TPP2: variants seen among roughly 807,000 people sequenced by gnomAD.
The protein encoded by TPP2 is tripeptidyl-peptidase 2.
Under a neutral mutation model 155.9 loss-of-function variants are expected in TPP2, and 34 were observed. That is an observed-to-expected ratio of 0.22 (90% CI 0.17 to 0.29). The LOEUF (loss-of-function observed/expected upper bound fraction) is 0.29. Ranked by LOEUF, TPP2 falls within the 10% of genes least tolerant of loss-of-function variation. The pLI is 1.00. For synonymous variants in TPP2, 510 were observed against 529.4 expected (o/e 0.96, Z 0.50); for missense variants, 1,028 against 1,522.3 (o/e 0.68, Z 5.40).
intron 16 of TPP2, among the ~76,000 whole-genome samples, chr13:102,642,083 G>A (rs570662884): frequency 6.6e-6 from 1 of 152,316 alleles, no homozygotes; most frequent in South Asian, 2.1e-4. Context: ...TTACCTGGGG[G>A]CAGGTTTCTA....
At chr13:102,643,790 A>G (rs1030564423) in intron 17 of TPP2, among the ~76,000 whole-genome samples, 1 of 152,198 alleles carries the variant, frequency 6.6e-6, no homozygotes, top group African/African-American at 2.4e-5. Flanking sequence ...CTTCATGTCT[A>G]AGTTATCTCA....
At chr13:102,652,619 A>G (rs1883593885) in intron 24 of TPP2, among the ~76,000 whole-genome samples, 1 of 107,172 alleles carries the variant, frequency 9.3e-6, no homozygotes. Context: ...TCACCATTCT[A>G]TAACAGCTTA....
chr13:102,629,371 G>A (rs947337337), intron 8 of TPP2, 111 bp from the exon 9 acceptor site: 1 of 1,267,040 alleles, frequency 7.9e-7, no homozygotes. Context: ...TTCCACCAAG[G>A]GTGGATGTAC....
chr13:102,676,261 T>A lies in TPP2; in HGVS notation c.3580-35T>A, dbSNP rs760797984. The A allele has an allele frequency of 1.4e-5, 21 of 1,516,514 alleles. No homozygotes were observed. In the African/African-American group the frequency reaches 2.8e-4, roughly 21 times the overall value. The allele number at this position is 1,516,514 out of a possible 1,614,324, so 93.9% of individuals were successfully genotyped here. ...GCTAATGCCTTAAAATGTAAATTAT[T>A]TTATAAACAAGCTTTATCATGTTTT... On this transcript the variant is annotated intron_variant, in intron 28 of 29. Transcript: ENST00000376052.
chr13:102,652,769 C>T (rs1034931429), intron 24 of TPP2, among the ~76,000 whole-genome samples: 3 of 151,898 alleles, frequency 2.0e-5, no homozygotes, highest in African/African-American at 4.8e-5. Flanking sequence ...GTGTCTTGAC[C>T]GTTTGGGGGC....
chr13:102,623,450 C>A (rs1159754150), intron 6 of TPP2, among the ~76,000 whole-genome samples: 3 of 152,180 alleles, frequency 2.0e-5, no homozygotes, highest in African/African-American at 7.2e-5. Context: ...GTAATCCCAG[C>A]TACTCGGGAG....
At chr13:102,651,068 A>G (rs537378626) in intron 23 of TPP2, among the ~76,000 whole-genome samples, 6 of 152,314 alleles carry the variant, frequency 3.9e-5, no homozygotes, top group African/African-American at 1.4e-4. Context: ...AACTAAATTT[A>G]CTATTTTAAG....
chr13:102,635,082 C>A (rs565846558), intron 11 of TPP2, among the ~76,000 whole-genome samples: 2 of 152,310 alleles, frequency 1.3e-5, no homozygotes. Context: ...TAATTCCCAA[C>A]CTGGCTGTAC....
intron 26 of TPP2, among the ~76,000 whole-genome samples, chr13:102,664,281 C>G (rs1887253193): frequency 1.3e-5 from 2 of 152,136 alleles, no homozygotes; most frequent in South Asian, 4.1e-4. Flanking sequence ...AAGAGAGAAG[C>G]AAATTGTTGG....
chr13:102,658,527 A>T (rs1446471168), intron 25 of TPP2, among the ~76,000 whole-genome samples: 1 of 152,238 alleles, frequency 6.6e-6, no homozygotes, highest in Non-Finnish European at 1.5e-5. Flanking sequence ...GGTCCCCAGT[A>T]AAACTAGTGA....
intron 5 of TPP2, 135 bp from the exon 6 acceptor site, chr13:102,622,742 A>G: frequency 9.8e-7 from 1 of 1,020,212 alleles, no homozygotes; most frequent in Non-Finnish European, 1.4e-6. Flanking sequence ...AACAGGCTAA[A>G]CCAGGCAGTC....
chr13:102,667,051 T>C lies in TPP2; in HGVS notation c.3371+2126T>C, dbSNP rs75813803. 7.9e-3 allele frequency among the ~76,000 whole-genome samples: 1,198 copies of C among 152,226 alleles called. 19 individuals are homozygous for C. The highest frequency in any genetic ancestry group is 0.027 in the African/African-American group (1,131 of 41,546). ...CAGAAGACAGTATTCAGAGTTGAAA[T>C]ATTATACAAGATGCTATCAGGAAAT... On this transcript the variant is annotated intron_variant, in intron 27 of 29. Transcript: ENST00000376052.
At chr13:102,678,089 G>A (rs1885404409) in intron 29 of TPP2, 138 bp from the exon 30 acceptor site, 1 of 802,926 alleles carries the variant, frequency 1.2e-6, no homozygotes, top group Non-Finnish European at 1.9e-6. Context: ...GGATCAATGG[G>A]TGGGTGACGG....
intron 25 of TPP2, among the ~76,000 whole-genome samples, chr13:102,659,470 A>C (rs1216849179): frequency 6.6e-6 from 1 of 152,208 alleles, no homozygotes. Flanking sequence ...GGAGCAAGAC[A>C]AAAACTCCTC....
At chr13:102,629,367 C>A in intron 8 of TPP2, 115 bp from the exon 9 acceptor site, 1 of 1,236,244 alleles carries the variant, frequency 8.1e-7, no homozygotes, top group South Asian at 2.4e-5. Flanking sequence ...CATGTTCCAC[C>A]AAGGGTGGAT....
intron 2 of TPP2, among the ~76,000 whole-genome samples, chr13:102,611,666 TA>T (rs761421870): frequency 6.6e-6 from 1 of 151,642 alleles, no homozygotes; most frequent in Admixed American, 6.6e-5. Flanking sequence ...CTCAAAAAAA[TA>T]AAAAAAAGAC....
At chr13:102,648,856 C>T (rs909942393) in intron 21 of TPP2, 51 bp from the exon 22 acceptor site, 20 of 1,535,370 alleles carry the variant, frequency 1.3e-5, no homozygotes, top group Non-Finnish European at 1.6e-5. Context: ...CAGTGATTTC[C>T]GTTGACTTGG....
At chr13:102,637,897 A>G (rs1273726969) in intron 14 of TPP2, among the ~76,000 whole-genome samples, 1 of 152,208 alleles carries the variant, frequency 6.6e-6, no homozygotes, top group Non-Finnish European at 1.5e-5. Flanking sequence ...TGTTAAACAA[A>G]TAGTTGTAAA....
intron 1 of TPP2, among the ~76,000 whole-genome samples, chr13:102,600,460 G>GT (rs1024445511): frequency 1.8e-4 from 28 of 152,096 alleles, no homozygotes; most frequent in African/African-American, 6.8e-4. Flanking sequence ...TCAGAGGTGA[G>GT]TAAGGCCCAA....
Sources: allele counts gnomAD v4.1 joint callset (sites outside exome capture counted in the v4.1 genomes callset), GRCh38; gene constraint gnomAD v4.1.1; transcripts MANE v1.5; gene names NCBI Gene and HGNC (gene_info 2026-07-23, HGNC 2026-07-21).